GSE1: variants seen among roughly 807,000 people sequenced by gnomAD.
GSE1 encodes the protein Gse1 coiled-coil protein, also known as genetic suppressor element 1.
A neutral mutation model predicts 112.6 loss-of-function variants in GSE1; 32 were observed. The ratio of observed to expected loss-of-function variants is 0.28; its 90% confidence interval spans 0.21 to 0.38. The LOEUF is 0.38. GSE1 is among the 10% of genes least tolerant of loss of function. GSE1 has a pLI of 1.00. For synonymous variants in GSE1, 1,115 were observed against 735.6 expected (o/e 1.52, Z -8.35); for missense variants, 2,348 against 1,699.2 (o/e 1.38, Z -6.71).
intron 2 of GSE1, among the ~76,000 whole-genome samples, chr16:85,364,684 T>C (rs1457412690): frequency 6.6e-6 from 1 of 152,144 alleles, no homozygotes; most frequent in African/African-American, 2.4e-5. Context: ...GGAACACCCC[T>C]GGATACTCTC....
At position 85,310,783 on chromosome 16, in the gene GSE1, C is replaced by T. The variant is rs534413819; in HGVS notation, c.2284-46680C>T. On this transcript the variant is annotated intron_variant, in intron 1 of 2. Transcript: ENST00000637419. ...TCGGAGCAACCTCTGGCCTGCGTCC[C>T]CCCCCCACCCACCTCCCCAGCCCAG... is the stretch of plus-strand genomic sequence containing the variant. 5.8e-3 allele frequency among the ~76,000 whole-genome samples: 888 copies of T among 151,858 alleles called. 6 individuals carry two copies. The highest frequency in any genetic ancestry group is 0.014 in the Middle Eastern group (4 of 294).
At chr16:85,634,230 G>A (rs1203249361) in intron 2 of GSE1, 98 bp downstream of exon 2, 6 of 839,600 alleles carry the variant, frequency 7.1e-6, no homozygotes, top group Middle Eastern at 3.6e-4. Context: ...AGCAGGTCTC[G>A]TCTTTCCCAC....
chr16:85,484,151 C>G (rs1597908295), intron 2 of GSE1, among the ~76,000 whole-genome samples: 1 of 152,216 alleles, frequency 6.6e-6, no homozygotes, highest in Admixed American at 6.5e-5. Context: ...TTCATAGAAC[C>G]GCAGTGAGGT....
chr16:85,423,137 C>T (rs2048890592), intron 2 of GSE1, among the ~76,000 whole-genome samples: 1 of 152,230 alleles, frequency 6.6e-6, no homozygotes, highest in Non-Finnish European at 1.5e-5. Context: ...ATCATTTGCC[C>T]CACCCCTGAT....
At chr16:85,383,309 C>T (rs909397063) in intron 2 of GSE1, among the ~76,000 whole-genome samples, 22 of 151,770 alleles carry the variant, frequency 1.4e-4, no homozygotes, top group African/African-American at 4.6e-4. Flanking sequence ...CAAACATGTA[C>T]ATACACAGTC....
intron 1 of GSE1, among the ~76,000 whole-genome samples, chr16:85,254,639 C>T (rs187009373): frequency 5.3e-4 from 80 of 152,300 alleles, no homozygotes; most frequent in Non-Finnish European, 6.3e-4. Context: ...GCGCCTCGCT[C>T]GCTCTGATCC....
At chr16:85,529,108 C>T (rs2151177711) in intron 2 of GSE1, among the ~76,000 whole-genome samples, 1 of 152,144 alleles carries the variant, frequency 6.6e-6, no homozygotes, top group South Asian at 2.1e-4. Context: ...GCGGCGCCTG[C>T]AGTTGTCCAG....
intron 1 of GSE1, among the ~76,000 whole-genome samples, chr16:85,214,153 C>T (rs558625421): frequency 5.3e-5 from 8 of 152,312 alleles, no homozygotes; most frequent in Non-Finnish European, 7.3e-5. Context: ...GCGTGCCCGC[C>T]GGCCTCTCCC....
intron 1 of GSE1, chr16:85,283,648 T>C (rs903518133): frequency 6.6e-6 from 1 of 152,278 alleles, no homozygotes; most frequent in African/African-American, 2.4e-5. Flanking sequence ...GCTGCAACCT[T>C]GTCCAGCCAC....
At chr16:85,217,194 C>T (rs1052326151) in intron 1 of GSE1, among the ~76,000 whole-genome samples, 1 of 152,204 alleles carries the variant, frequency 6.6e-6, no homozygotes, top group Non-Finnish European at 1.5e-5. Context: ...CCCTGTGACG[C>T]GCTGCCTTGC....
chr16:85,561,710 A>C (rs988089527), intron 1 of GSE1, among the ~76,000 whole-genome samples: 3 of 152,226 alleles, frequency 2.0e-5, no homozygotes, highest in Non-Finnish European at 4.4e-5. Context: ...GCAAGTCATA[A>C]ATATCTCATC....
intron 2 of GSE1, among the ~76,000 whole-genome samples, chr16:85,469,314 G>A (rs542158506): frequency 6.6e-6 from 1 of 152,158 alleles, no homozygotes; most frequent in South Asian, 2.1e-4. Flanking sequence ...AGACAGAAGA[G>A]GAGAAAACAC....
At chr16:85,512,015 G>C (rs928665868) in intron 2 of GSE1, among the ~76,000 whole-genome samples, 1 of 152,212 alleles carries the variant, frequency 6.6e-6, no homozygotes. Context: ...TCTCCACGCA[G>C]GAGTGGAGGG....
At chr16:85,520,595 T>G (rs747048546) in intron 2 of GSE1, among the ~76,000 whole-genome samples, 67 of 141,738 alleles carry the variant, frequency 4.7e-4, no homozygotes, top group South Asian at 1.8e-3. Context: ...CTAATTTTTG[T>G]TTTTTTTAGT....
chr16:85,506,367 G>A (rs1367270129), intron 2 of GSE1, among the ~76,000 whole-genome samples: 1 of 152,162 alleles, frequency 6.6e-6, no homozygotes, highest in Non-Finnish European at 1.5e-5. Context: ...TGTGGGGGTG[G>A]GGAGGAGCAG....
rs560722339 is a variant in GSE1 at position 85,171,384 on chromosome 16, G to A, written c.1860G>A (p.Glu620=). ...CCGCCAGCCGCTTGGGCGAGAAGGA[G>A]CCCTTCTTCCCCTTCCTCACCGTGT... is the stretch of plus-strand genomic sequence containing the variant. The change falls in exon 1 of 3, where the codon GAG becomes GAA. Residue 620 remains glutamate (E), a synonymous_variant. Transcript: ENST00000637419. 17 of 985,686 alleles carry A rather than the reference G, an allele frequency of 1.7e-5. No homozygotes were observed. The African/African-American group carries it at 2.8e-4, about 16-fold the overall frequency. The allele number at this position is 985,686 out of a possible 1,614,324, so 61.1% of individuals were successfully genotyped here.
At chr16:85,440,878 C>G (rs572195956) in intron 2 of GSE1, among the ~76,000 whole-genome samples, 3 of 152,200 alleles carry the variant, frequency 2.0e-5, no homozygotes, top group Non-Finnish European at 4.4e-5. Context: ...GCCTGGCTTC[C>G]CGAGGACGCG....
At chr16:85,500,257 G>A (rs969008006) in intron 2 of GSE1, among the ~76,000 whole-genome samples, 3 of 152,188 alleles carry the variant, frequency 2.0e-5, no homozygotes, top group Non-Finnish European at 2.9e-5. Context: ...AAATGGGAAC[G>A]TGTTTTGTAG....
chr16:85,391,950 A>T (rs2047848120), intron 2 of GSE1, among the ~76,000 whole-genome samples: 1 of 151,802 alleles, frequency 6.6e-6, no homozygotes, highest in South Asian at 2.1e-4. Context: ...CCCAGGAGTC[A>T]CTCCAGCCCA....
Sources: allele counts gnomAD v4.1 joint callset (sites outside exome capture counted in the v4.1 genomes callset), GRCh38; gene constraint gnomAD v4.1.1; transcripts MANE v1.5; gene names NCBI Gene and HGNC (gene_info 2026-07-23, HGNC 2026-07-21).